Variants in ZNF462 observed in about 807,000 individuals in gnomAD.
ZNF462 encodes zinc finger PBX1-interacting protein.
Under a neutral mutation model 201.9 loss-of-function variants are expected in ZNF462, and 10 were observed. The ratio of observed to expected loss-of-function variants is 0.05; its 90% confidence interval spans 0.03 to 0.08. The LOEUF is 0.08. Ranked by LOEUF, ZNF462 falls within the 10% of genes least tolerant of loss-of-function variation. The pLI is 1.00. For synonymous variants in ZNF462, 1,227 were observed against 1,193.3 expected, an observed-to-expected ratio of 1.03 and a Z score of -0.58; for missense variants, 2,523 against 3,168.3, an observed-to-expected ratio of 0.80 and a Z score of 4.89.
intron 1 of ZNF462, among the ~76,000 whole-genome samples, chr9:106,911,808 T>C (rs1829560557): frequency 1.3e-5 from 2 of 152,222 alleles, no homozygotes; most frequent in South Asian, 4.1e-4. Flanking sequence ...TTCCCAGACT[T>C]TCTGATACAT....
intron 1 of ZNF462, among the ~76,000 whole-genome samples, chr9:106,888,841 A>G (rs1828444811): frequency 6.6e-6 from 1 of 152,250 alleles, no homozygotes; most frequent in Non-Finnish European, 1.5e-5. Flanking sequence ...GCCACCATTT[A>G]TAGAATCATC....
intron 7 of ZNF462, among the ~76,000 whole-genome samples, chr9:106,941,796 A>T (rs1462967828): frequency 6.6e-6 from 1 of 152,230 alleles, no homozygotes; most frequent in African/African-American, 2.4e-5. Context: ...GATTTTGTAT[A>T]GTTTTGCATG....
At chr9:106,871,245 C>A (rs973561479) in intron 1 of ZNF462, among the ~76,000 whole-genome samples, 1 of 152,158 alleles carries the variant, frequency 6.6e-6, no homozygotes, top group African/African-American at 2.4e-5. Context: ...AATTAGAGCT[C>A]CAGCTGCTAT....
chr9:106,918,823 C>G (rs1324405145), intron 1 of ZNF462, among the ~76,000 whole-genome samples: 1 of 152,024 alleles, frequency 6.6e-6, no homozygotes, highest in Non-Finnish European at 1.5e-5. Context: ...ATTACCTGTC[C>G]TTGGATAATT....
At chr9:106,936,161 A>G (rs1475363969) in intron 6 of ZNF462, among the ~76,000 whole-genome samples, 1 of 152,200 alleles carries the variant, frequency 6.6e-6, no homozygotes, top group Non-Finnish European at 1.5e-5. Context: ...CTCATTACTC[A>G]TTAGAAAAAA....
Position 106,885,465 on chromosome 9 carries a change from T to G in ZNF462, c.-31+22110T>G, listed in dbSNP as rs1487052845. Among the ~76,000 whole-genome samples the G allele has an allele frequency of 6.6e-6, 1 of 152,204 alleles. No individual in the cohort carries two copies. Among genetic ancestry groups the G allele is most frequent in the African/African-American group, 2.4e-5 (1 of 41,458 alleles). On this transcript the variant is annotated intron_variant, in intron 1 of 12. Coordinates refer to ENST00000277225, the MANE Select transcript of ZNF462 (RefSeq NM_021224.6). The surrounding 1 kb of genome is among the most constrained non-coding windows in gnomAD (Gnocchi z 4.1). ...AACCTGTGGTTCTTGGTTGTGTCCT[T>G]GCCATGCTTAGAAGGTTCAAGAAAG...
intron 10 of ZNF462, among the ~76,000 whole-genome samples, chr9:106,995,837 T>G (rs1006507278): frequency 3.3e-5 from 5 of 152,188 alleles, no homozygotes; most frequent in African/African-American, 1.2e-4. Flanking sequence ...TTATTATACT[T>G]TAAGTTCTAG....
intron 6 of ZNF462, among the ~76,000 whole-genome samples, chr9:106,937,966 C>T (rs901202112): frequency 1.3e-5 from 2 of 152,140 alleles, no homozygotes; most frequent in African/African-American, 4.8e-5. Context: ...ATGAGCATTT[C>T]TAAGTCTATT....
rs1379057217 is a variant in ZNF462, at chr9:106,935,373, A to G, written c.6117-130A>G. ...TTAATTAATTAAATTGATAAATGCC[A>G]TTATTGGAAAGTAAACAAAAGGACT... On this transcript the variant is annotated intron_variant, in intron 5 of 12. Coordinates refer to ENST00000277225, the MANE Select transcript of ZNF462 (RefSeq NM_021224.6). The surrounding 1 kb of genome is among the most constrained non-coding windows in gnomAD (Gnocchi z 4.1). 1.2e-5 allele frequency: 8 copies of G among 662,868 alleles called. No homozygotes were observed. Among genetic ancestry groups the G allele is most frequent in the African/African-American group, 1.8e-5 (1 of 55,214 alleles). 41.1% of individuals were successfully genotyped at this position (662,868 alleles called of 1,614,324 possible). A position where few individuals can be genotyped will look rare whatever the true frequency, so the allele number is the denominator to read the frequency against.
intron 1 of ZNF462, among the ~76,000 whole-genome samples, chr9:106,873,875 C>T (rs1414813942): frequency 1.3e-5 from 2 of 152,118 alleles, no homozygotes; most frequent in African/African-American, 4.8e-5. Flanking sequence ...GACTCTTCAG[C>T]CCCCAAGAAA....
Position 106,950,617 on chromosome 9 carries a change from C to G in ZNF462, c.6427+11510C>G, listed in dbSNP as rs988986615. Among the ~76,000 whole-genome samples, 10 of 152,174 alleles carry G rather than the reference C, an allele frequency of 6.6e-5. No homozygotes were observed. The highest frequency in any genetic ancestry group is 2.4e-4 in the African/African-American group (10 of 41,436). On this transcript the variant is annotated intron_variant, in intron 7 of 12. Coordinates refer to ENST00000277225, the MANE Select transcript of ZNF462 (RefSeq NM_021224.6). This position sits in a 1 kb window ranked among gnomAD's most constrained non-coding sequence, Gnocchi z 4.1. ...CATAATAATTGTCATAACTAAACCA[C>G]AGGCAGACAGTGAAGTGTAAGTGCA...
chr9:106,961,415 G>A (rs1453607227), intron 7 of ZNF462, among the ~76,000 whole-genome samples: 1 of 152,100 alleles, frequency 6.6e-6, no homozygotes, highest in Non-Finnish European at 1.5e-5. Flanking sequence ...CAGCAAACAT[G>A]GTTCAGTGTT....
chr9:106,949,800 A>G (rs1348177094), intron 7 of ZNF462, among the ~76,000 whole-genome samples: 2 of 152,186 alleles, frequency 1.3e-5, no homozygotes, highest in East Asian at 3.8e-4. Context: ...ATGCTCTGGA[A>G]TTACAATAGA....
Position 106,981,060 on chromosome 9 carries a change from G to A in ZNF462, c.6833-3126G>A, listed in dbSNP as rs901855767. ...TCTGTCTTTTTTTATTTTTATCTTGGTCATGTTAACCATGTTTTTAGAAAG... is the reference window on the plus strand; with the variant it reads ...TCTGTCTTTTTTTATTTTTATCTTGATCATGTTAACCATGTTTTTAGAAAG... On this transcript the variant is annotated intron_variant, in intron 9 of 12. Coordinates refer to ENST00000277225, the MANE Select transcript of ZNF462 (RefSeq NM_021224.6). The surrounding 1 kb of genome is among the most constrained non-coding windows in gnomAD (Gnocchi z 4.0). Among the ~76,000 whole-genome samples the A allele has an allele frequency of 2.0e-5, 3 of 151,824 alleles. No individual in the cohort carries two copies. The highest frequency in any genetic ancestry group is 7.3e-5 in the African/African-American group (3 of 41,304).
rs201443261 is a variant in ZNF462 at position 106,928,598 on chromosome 9, C to T, written c.4686C>T (p.Asp1562=). Residue 1562 remains aspartate, a synonymous_variant, in exon 3 of 13, where the codon GAC becomes GAT. Transcript: ENST00000277225. The surrounding 1 kb of genome is among the most constrained non-coding windows in gnomAD (Gnocchi z 9.3). ...AGTCTGCTGACATATCCCAGAATGA[C>T]GTGGAGGAGACGAGCAGGATCTTCA... ...VEQSADISQN[D]VEETSRIFKQ... 122 of 1,614,100 alleles carry T rather than the reference C, an allele frequency of 7.6e-5. No homozygotes were observed. The East Asian group carries it at 2.4e-3, about 32-fold the overall frequency.
chr9:106,915,308 C>T (rs1829726846), intron 1 of ZNF462, among the ~76,000 whole-genome samples: 1 of 150,096 alleles, frequency 6.7e-6, no homozygotes, highest in Non-Finnish European at 1.5e-5. Context: ...ATATGGAATT[C>T]GAGGCTTGGC....
At position 106,974,398 on chromosome 9, in the gene ZNF462, A is replaced by G. The variant is rs1056372512; in HGVS notation, c.6832+125A>G. 1.2e-5 allele frequency: 17 copies of G among 1,428,850 alleles called. No homozygotes were observed. The highest frequency in any genetic ancestry group is 5.8e-5 in the South Asian group (5 of 86,390). 88.5% of individuals were successfully genotyped at this position (1,428,850 alleles called of 1,614,324 possible). A position where few individuals can be genotyped will look rare whatever the true frequency, so the allele number is the denominator to read the frequency against. ...TTGTTCCTCACCTTATCTTCAGGCA[A>G]GAAACCACAGTGATAACCACAGTGA... On this transcript the variant is annotated intron_variant, in intron 9 of 12. Coordinates refer to ENST00000277225, the MANE Select transcript of ZNF462 (RefSeq NM_021224.6). The surrounding 1 kb of genome is among the most constrained non-coding windows in gnomAD (Gnocchi z 4.0).
rs766619160 is a variant in ZNF462, at chr9:107,010,813, GT to G, written c.7314-5del. 1.2e-6 allele frequency: 2 copies of G among 1,608,772 alleles called. No individual in the cohort carries two copies. The highest frequency in any genetic ancestry group is 1.7e-6 in the Non-Finnish European group (2 of 1,177,524). On this transcript the variant is annotated splice_polypyrimidine_tract_variant and intron_variant, in intron 12 of 12. Transcript: ENST00000277225. This position sits in a 1 kb window ranked among gnomAD's most constrained non-coding sequence, Gnocchi z 4.6. ...ATACTCATCTGTCTCTTCGATAAAT[GT>G]TTTTCCAGGGCATTGAATGACACCA...
intron 1 of ZNF462, among the ~76,000 whole-genome samples, chr9:106,878,602 C>T (rs1827944791): frequency 6.6e-6 from 1 of 152,122 alleles, no homozygotes; most frequent in South Asian, 2.1e-4. Flanking sequence ...CTCTCTATCA[C>T]AGTTGTGTTA....
Sources: gnomAD v4.1 joint callset for allele counts (sites outside exome capture counted in the v4.1 genomes callset) on GRCh38, gnomAD v4.1.1 for gene constraint, Gnocchi (gnomAD v3.1) non-coding constraint, MANE v1.5 for transcripts, NCBI Gene and HGNC (gene_info 2026-07-23, HGNC 2026-07-21) for gene names.